The following WWOX variants were observed in gnomAD, a reference collection of about 807,000 sequenced individuals.
The protein encoded by WWOX is WW domain-containing oxidoreductase.
In WWOX, 69 loss-of-function variants were observed where a neutral mutation model predicts 46.2. That is an observed-to-expected ratio of 1.49 (90% CI 1.23 to 1.82). The LOEUF is 1.82. Ranked by LOEUF, WWOX falls within the 40% of genes most tolerant of loss-of-function variation. The probability of loss-of-function intolerance (pLI) is 0.00; values close to 1 mark genes in which losing one functional copy is unlikely to be tolerated. For missense variants in WWOX, 919 were observed against 542.6 expected (o/e 1.69, Z -6.89); for synonymous variants, 359 against 202.6 (o/e 1.77, Z -6.56).
intron 8 of WWOX, among the ~76,000 whole-genome samples, chr16:78,845,831 G>T (rs1285153803): frequency 1.3e-5 from 2 of 152,202 alleles, no homozygotes; most frequent in African/African-American, 4.8e-5. Context: ...AAGACATGGA[G>T]CTGAGAGTGA....
intron 8 of WWOX, among the ~76,000 whole-genome samples, chr16:78,903,377 C>T (rs1232196913): frequency 6.6e-6 from 1 of 152,214 alleles, no homozygotes; most frequent in South Asian, 2.1e-4. Context: ...TTTATGCAAA[C>T]GAAGACTCCG....
intron 5 of WWOX, among the ~76,000 whole-genome samples, chr16:78,193,845 TTTTTTA>T (rs2035960791): frequency 6.7e-6 from 1 of 150,320 alleles, no homozygotes; most frequent in Non-Finnish European, 1.5e-5. Flanking sequence ...TTATTTTCAA[TTTTTTA>T]TTTTTATTAT....
intron 8 of WWOX, chr16:78,899,564 T>C (rs1025226128): frequency 6.6e-6 from 1 of 152,184 alleles, no homozygotes; most frequent in Non-Finnish European, 1.5e-5. Context: ...TATTTCAGCG[T>C]CCTGAGAAAC....
intron 8 of WWOX, among the ~76,000 whole-genome samples, chr16:78,818,500 G>A (rs536130100): frequency 1.6e-3 from 238 of 152,352 alleles, no homozygotes; most frequent in African/African-American, 5.4e-3. Flanking sequence ...GGAGGCCACG[G>A]CAAGAGGATC....
At chr16:78,389,062 G>A (rs2082122251) in intron 6 of WWOX, among the ~76,000 whole-genome samples, 1 of 152,130 alleles carries the variant, frequency 6.6e-6, no homozygotes, top group Non-Finnish European at 1.5e-5. Flanking sequence ...CTTAGTGAGA[G>A]TTGCAACATC....
chr16:78,310,476 G>C (rs915874699), intron 5 of WWOX, among the ~76,000 whole-genome samples: 4 of 152,242 alleles, frequency 2.6e-5, no homozygotes, highest in African/African-American at 9.6e-5. Flanking sequence ...CAAATCACCA[G>C]ATTGATGCCT....
Position 78,342,999 on chromosome 16 carries a change from T to A in WWOX, c.517-43861T>A, listed in dbSNP as rs1252645129. Among the ~76,000 whole-genome samples the A allele has an allele frequency of 1.6e-5, 2 of 121,374 alleles. 1 individual carries two copies. The highest frequency in any genetic ancestry group is 5.6e-5 in the African/African-American group (2 of 35,796). 79.6% of individuals were successfully genotyped at this position (121,374 alleles called of 152,430 possible). A position where few individuals can be genotyped will look rare whatever the true frequency, so the allele number is the denominator to read the frequency against. On this transcript the variant is annotated intron_variant, in intron 5 of 8. Transcript: ENST00000566780. The stretch of plus-strand genomic sequence containing the variant: ...AAGGTATTTTGGCACATAAAAAAAC[T>A]GCTCAGCACACCTTGTATTTGTATT...
At chr16:78,692,843 A>G (rs1178852598) in intron 8 of WWOX, among the ~76,000 whole-genome samples, 1 of 152,210 alleles carries the variant, frequency 6.6e-6, no homozygotes, top group East Asian at 1.9e-4. Flanking sequence ...TAAAGAGACA[A>G]CTGTTTTTGG....
At chr16:78,281,405 T>C (rs2079676099) in intron 5 of WWOX, among the ~76,000 whole-genome samples, 1 of 152,240 alleles carries the variant, frequency 6.6e-6, no homozygotes, top group African/African-American at 2.4e-5. Flanking sequence ...AATAGCTTTT[T>C]CTTTTAGTAG....
intron 8 of WWOX, among the ~76,000 whole-genome samples, chr16:78,798,057 C>T (rs370447778): frequency 1.3e-5 from 2 of 152,284 alleles, no homozygotes; most frequent in African/African-American, 4.8e-5. Context: ...GGAATCCAGT[C>T]TTCTCCTTTT....
intron 4 of WWOX, among the ~76,000 whole-genome samples, chr16:78,136,742 G>A (rs551989910): frequency 6.6e-6 from 1 of 152,292 alleles, no homozygotes; most frequent in Non-Finnish European, 1.5e-5. Flanking sequence ...ACCTAACTGA[G>A]CAGTAAGACC....
chr16:78,530,039 A>C (rs750322496), intron 8 of WWOX, among the ~76,000 whole-genome samples: 2 of 152,068 alleles, frequency 1.3e-5, no homozygotes, highest in African/African-American at 4.8e-5. Context: ...GGTGAACTGC[A>C]CTCACTTGAA....
rs117573609 is a variant in WWOX at position 78,306,159 on chromosome 16, A to G, written c.517-80701A>G. ...ATGTTTTTATAGCTTAACTACATTTATAGTGAACGGGTGGCTTCTTCATCC... is the reference window on the plus strand; with the variant it reads ...ATGTTTTTATAGCTTAACTACATTTGTAGTGAACGGGTGGCTTCTTCATCC... On this transcript the variant is annotated intron_variant, in intron 5 of 8. Coordinates refer to ENST00000566780, the MANE Select transcript of WWOX (RefSeq NM_016373.4). Among the ~76,000 whole-genome samples, 400 of 152,308 alleles carry G rather than the reference A, an allele frequency of 2.6e-3. 2 individuals carry two copies. Among genetic ancestry groups the G allele is most frequent in the Non-Finnish European group, 4.5e-3 (307 of 68,024 alleles).
chr16:78,443,379 C>G (rs535212042), intron 8 of WWOX, among the ~76,000 whole-genome samples: 4 of 152,238 alleles, frequency 2.6e-5, no homozygotes, highest in South Asian at 4.1e-4. Context: ...CAATGCTCAT[C>G]AGAACTCAGC....
intron 8 of WWOX, among the ~76,000 whole-genome samples, chr16:79,158,577 G>T (rs917364557): frequency 4.6e-5 from 7 of 152,288 alleles, no homozygotes; most frequent in African/African-American, 1.7e-4. Flanking sequence ...ACGCCTCCCT[G>T]TTCTTTCAAT....
intron 8 of WWOX, among the ~76,000 whole-genome samples, chr16:78,722,127 C>T (rs1385149034): frequency 6.6e-6 from 1 of 152,078 alleles, no homozygotes; most frequent in Non-Finnish European, 1.5e-5. Flanking sequence ...CATTCCAGTC[C>T]CAAAGGAGAC....
intron 8 of WWOX, among the ~76,000 whole-genome samples, chr16:78,755,810 C>T (rs964300713): frequency 6.6e-6 from 1 of 152,200 alleles, no homozygotes; most frequent in Non-Finnish European, 1.5e-5. Flanking sequence ...TCACTTTCGC[C>T]ATTTAATAGC....
At chr16:78,938,447 C>T (rs1484366301) in intron 8 of WWOX, among the ~76,000 whole-genome samples, 3 of 151,676 alleles carry the variant, frequency 2.0e-5, no homozygotes, top group Non-Finnish European at 4.4e-5. Context: ...GACAGTGAAA[C>T]CCTCAAAGGC....
At chr16:78,189,443 C>T (rs906462301) in intron 5 of WWOX, among the ~76,000 whole-genome samples, 2 of 152,142 alleles carry the variant, frequency 1.3e-5, no homozygotes, top group Non-Finnish European at 2.9e-5. Context: ...ATGTCAAAGT[C>T]TGTATGTCTT....
Sources: allele counts gnomAD v4.1 joint callset (sites outside exome capture counted in the v4.1 genomes callset), GRCh38; gene constraint gnomAD v4.1.1; transcripts MANE v1.5; gene names NCBI Gene and HGNC (gene_info 2026-07-23, HGNC 2026-07-21).